The following WASF1 variants were observed in gnomAD, a reference collection of about 807,000 sequenced individuals.
WASF1 encodes actin-binding protein WASF1.
In WASF1, 7 loss-of-function variants were observed where a neutral mutation model predicts 50.5. The ratio of observed to expected loss-of-function variants is 0.14; its 90% CI spans 0.08 to 0.26. WASF1 has a LOEUF of 0.26. Ranked by LOEUF, WASF1 falls within the 10% of genes least tolerant of loss-of-function variation. The pLI is 1.00. For missense variants in WASF1, 470 were observed against 694.7 expected (o/e 0.68, Z 3.64); for synonymous variants, 205 against 244.0 (o/e 0.84, Z 1.49).
intron 3 of WASF1, among the ~76,000 whole-genome samples, chr6:110,139,154 G>A (rs77693445): frequency 1.9e-3 from 294 of 152,322 alleles, no homozygotes; most frequent in African/African-American, 6.4e-3. Flanking sequence ...GACACCACCC[G>A]GGCTTAGCCA....
chr6:110,151,559 A>G (rs1030536643), intron 3 of WASF1, among the ~76,000 whole-genome samples: 1 of 152,238 alleles, frequency 6.6e-6, no homozygotes, highest in African/African-American at 2.4e-5. Context: ...AGGATCAACA[A>G]AATGCACACT....
In WASF1 at chr6:110,108,522, A is replaced by T; in HGVS notation, c.422+6T>A. On this transcript the variant is annotated splice_donor_region_variant and intron_variant, in intron 6 of 10. Transcript: ENST00000392589. ...TAATAGGGCTACTATTTATTAACCT[A>T]CCTACCTATAAGGAGTGAGTATATT... 1 of 1,603,034 alleles carries T rather than the reference A, an allele frequency of 6.2e-7. No individual in the cohort carries two copies. Among genetic ancestry groups the T allele is most frequent in the Non-Finnish European group, 8.5e-7 (1 of 1,174,208 alleles).
rs551984830 is a variant in WASF1 at position 110,136,793 on chromosome 6, T to C, written c.-28-9164A>G. On this transcript the variant is annotated intron_variant, in intron 3 of 10. Coordinates refer to ENST00000392589, the MANE Select transcript of WASF1 (RefSeq NM_003931.3). ...GTTTGTTAATATCTGACTACTTTTA[T>C]TGGTATAATGCTAACGTTCTTTCTG... 4.6e-5 allele frequency among the ~76,000 whole-genome samples: 7 copies of C among 152,360 alleles called. No homozygotes were observed. In the East Asian group the frequency reaches 7.7e-4, roughly 17 times the overall value.
intron 2 of WASF1, among the ~76,000 whole-genome samples, chr6:110,169,403 AGG>A (rs1377788809): frequency 2.0e-5 from 3 of 152,178 alleles, no homozygotes; most frequent in African/African-American, 7.2e-5. Context: ...CAAATCACTT[AGG>A]ATTTGAGATC....
At chr6:110,133,551 ATTG>A (rs1469005056) in intron 3 of WASF1, among the ~76,000 whole-genome samples, 3 of 151,866 alleles carry the variant, frequency 2.0e-5, no homozygotes, top group Non-Finnish European at 4.4e-5. Flanking sequence ...AACAGCAGCT[ATTG>A]TTTTTTGATT....
chr6:110,144,181 T>A (rs1013970695), intron 3 of WASF1, among the ~76,000 whole-genome samples: 3 of 152,240 alleles, frequency 2.0e-5, no homozygotes, highest in Admixed American at 2.0e-4. Flanking sequence ...GGTATCTCAC[T>A]GTGGTTTTGA....
intron 3 of WASF1, among the ~76,000 whole-genome samples, chr6:110,139,745 C>T (rs1379693095): frequency 6.6e-6 from 1 of 152,152 alleles, no homozygotes; most frequent in African/African-American, 2.4e-5. Context: ...ATTCCAAGAC[C>T]TCCAGTGGAT....
rs56948481 is a variant in WASF1 at position 110,118,347 on chromosome 6, C to CAAAAAAAA, written c.134-4895_134-4888dup. 4.0e-4 allele frequency among the ~76,000 whole-genome samples: 3 copies of CAAAAAAAA among 7,474 alleles called. 1 individual carries two copies. Among genetic ancestry groups the CAAAAAAAA allele is most frequent in the African/African-American group, 8.6e-4 (2 of 2,318 alleles). The allele number at this position is 7,474 out of a possible 152,430, so 4.9% of individuals were successfully genotyped here. Reference sequence around the variant, plus strand: ...GAAGATCTACCAAGCAAACGGAAAGCAAAAAAAAAAAAAAAAAAAAAAAAA... The same window carrying CAAAAAAAA: ...GAAGATCTACCAAGCAAACGGAAAGCAAAAAAAAAAAAAAAAAAAAAAAAAAAAAAAAA... On this transcript the variant is annotated intron_variant, in intron 4 of 10. Transcript: ENST00000392589.
Position 110,158,285 on chromosome 6 carries a change from G to A in WASF1, c.-29+2350C>T, listed in dbSNP as rs1252007183. 1.4e-4 allele frequency among the ~76,000 whole-genome samples: 10 copies of A among 70,716 alleles called. 1 individual carries two copies. The highest frequency in any genetic ancestry group is 2.7e-4 in the Non-Finnish European group (10 of 37,246). The allele number at this position is 70,716 out of a possible 152,430, so 46.4% of individuals were successfully genotyped here. On this transcript the variant is annotated intron_variant, in intron 3 of 10. Transcript: ENST00000392589. The stretch of plus-strand genomic sequence containing the variant: ...CAACTTCTTCCTGGTTTAGTCTTGG[G>A]AGAGTGTATGTGTCGAGGAATGTAT...
chr6:110,169,491 G>A (rs1393255993), intron 2 of WASF1, among the ~76,000 whole-genome samples: 6 of 152,056 alleles, frequency 3.9e-5, no homozygotes, highest in Non-Finnish European at 8.8e-5. Flanking sequence ...CAAATTGCTG[G>A]TAAAACAGTT....
chr6:110,162,644 G>C (rs1345625441), intron 2 of WASF1, among the ~76,000 whole-genome samples: 3 of 151,138 alleles, frequency 2.0e-5, no homozygotes, highest in African/African-American at 7.3e-5. Flanking sequence ...GTATCAACAG[G>C]CTAAAGAAGA....
At chr6:110,117,826 C>T (rs1773881385) in intron 4 of WASF1, among the ~76,000 whole-genome samples, 1 of 152,008 alleles carries the variant, frequency 6.6e-6, no homozygotes, top group East Asian at 1.9e-4. Flanking sequence ...CGGCAGAAAC[C>T]CTACAAGCCA....
chr6:110,178,025 A>C (rs1777008660), intron 2 of WASF1, among the ~76,000 whole-genome samples: 1 of 152,028 alleles, frequency 6.6e-6, no homozygotes, highest in Non-Finnish European at 1.5e-5. Flanking sequence ...AGTTAGAAAA[A>C]AAAAAACTGG....
Position 110,137,886 on chromosome 6 carries a change from TTC to T in WASF1, c.-28-10259_-28-10258del, listed in dbSNP as rs1375417924. ...AAAAGAAGTTGCAATCCTATTAAATTTCTGTTTTCCTCCTATGTAAGTATCAC... is the reference window on the plus strand; with the variant it reads ...AAAAGAAGTTGCAATCCTATTAAATTTGTTTTCCTCCTATGTAAGTATCAC... On this transcript the variant is annotated intron_variant, in intron 3 of 10. Transcript: ENST00000392589. 3.9e-5 allele frequency among the ~76,000 whole-genome samples: 6 copies of T among 152,220 alleles called. No individual in the cohort carries two copies. In the East Asian group the frequency reaches 5.8e-4, roughly 15 times the overall value.
chr6:110,112,737 T>C (rs1773617320), intron 5 of WASF1, among the ~76,000 whole-genome samples: 1 of 151,708 alleles, frequency 6.6e-6, no homozygotes, highest in Non-Finnish European at 1.5e-5. Flanking sequence ...CCATCTCTAC[T>C]AAAAATAAAA....
intron 4 of WASF1, among the ~76,000 whole-genome samples, chr6:110,122,806 T>C (rs536967005): frequency 3.3e-5 from 5 of 152,170 alleles, no homozygotes; most frequent in Non-Finnish European, 7.3e-5. Context: ...TAGTAGGCTA[T>C]AGGCAGTTAA....
intron 4 of WASF1, among the ~76,000 whole-genome samples, chr6:110,122,715 A>T (rs1774193358): frequency 6.6e-6 from 1 of 152,156 alleles, no homozygotes; most frequent in African/African-American, 2.4e-5. Context: ...TTATTGTAGG[A>T]ATACAGTATA....
At chr6:110,175,911 T>C (rs943777572) in intron 2 of WASF1, among the ~76,000 whole-genome samples, 5 of 152,162 alleles carry the variant, frequency 3.3e-5, no homozygotes, top group Non-Finnish European at 5.9e-5. Flanking sequence ...AATATACTTA[T>C]GCTAATTATT....
intron 2 of WASF1, among the ~76,000 whole-genome samples, chr6:110,170,766 C>T (rs901001621): frequency 6.6e-6 from 1 of 151,926 alleles, no homozygotes; most frequent in Non-Finnish European, 1.5e-5. Context: ...ATATACCATG[C>T]TAACACGAGT....
Sources: allele counts gnomAD v4.1 joint callset (sites outside exome capture counted in the v4.1 genomes callset), GRCh38; gene constraint gnomAD v4.1.1; transcripts MANE v1.5; gene names NCBI Gene and HGNC (gene_info 2026-07-23, HGNC 2026-07-21).